The following NTSR2 variants were observed in gnomAD, a reference collection of about 807,000 sequenced individuals.
NTSR2 encodes neurotensin receptor 2.
In NTSR2, 22 loss-of-function variants were observed where a neutral mutation model predicts 24.1. The observed-to-expected ratio is 0.91, with a 90% CI of 0.65 to 1.30. The LOEUF (loss-of-function observed/expected upper bound fraction) is 1.30. Among genes scored for constraint, NTSR2 ranks in the 50% most tolerant of loss-of-function variants. The pLI, the probability that NTSR2 is intolerant of heterozygous loss-of-function variation, is 0.00. For synonymous variants in NTSR2, 291 were observed against 267.0 expected (o/e 1.09, Z -0.88); for missense variants, 570 against 570.4 (o/e 1.00, Z 0.01).
Position 11,670,096 on chromosome 2 carries a change from T to TGGGCCGCGG in NTSR2, c.25_33dup (p.Pro9_Pro11dup), listed in dbSNP as rs748755968. 6.2e-5 allele frequency: 87 copies of TGGGCCGCGG among 1,408,896 alleles called. No individual in the cohort carries two copies. The highest frequency in any genetic ancestry group is 2.4e-4 in the Middle Eastern group (1 of 4,092). The allele number at this position is 1,408,896 out of a possible 1,614,324, so 87.3% of individuals were successfully genotyped here. On this transcript the variant is annotated inframe_insertion, in exon 1 of 4. Coordinates refer to ENST00000306928, the MANE Select transcript of NTSR2 (RefSeq NM_012344.4). ...TCCAGGCTCAGCCCCGGGTTGGAGC[T>TGGGCCGCGG]GGGCCGCGGGGGCCGCGGGCTGCTG...
At chr2:11,664,156 G>T (rs1042265854) in intron 1 of NTSR2, among the ~76,000 whole-genome samples, 9 of 140,162 alleles carry the variant, frequency 6.4e-5, no homozygotes, top group Admixed American at 3.1e-4. Flanking sequence ...AGACGAGGTC[G>T]CCCAGACTAG....
chr2:11,663,487 G>T (rs950195165), intron 1 of NTSR2, among the ~76,000 whole-genome samples: 3 of 152,086 alleles, frequency 2.0e-5, no homozygotes, highest in Non-Finnish European at 4.4e-5. Flanking sequence ...TGATAGAGGA[G>T]CTGAAAATGA....
intron 1 of NTSR2, among the ~76,000 whole-genome samples, chr2:11,669,122 G>T (rs573575582): frequency 6.6e-6 from 1 of 152,078 alleles, no homozygotes; most frequent in African/African-American, 2.4e-5. Context: ...CCTCCAGGGA[G>T]GCCCTCTCCA....
intron 1 of NTSR2, 73 bp downstream of exon 1, chr2:11,669,433 G>T: frequency 3.2e-6 from 3 of 943,172 alleles, no homozygotes; most frequent in Non-Finnish European, 4.3e-6. Context: ...GTTCCCCGGG[G>T]AGAGGGGGTT....
chr2:11,667,069 C>T (rs548181493), intron 1 of NTSR2, among the ~76,000 whole-genome samples: 2 of 152,342 alleles, frequency 1.3e-5, no homozygotes, highest in East Asian at 3.9e-4. Flanking sequence ...TGTGGACAGA[C>T]CTGGGCATGT....
intron 1 of NTSR2, among the ~76,000 whole-genome samples, chr2:11,667,218 G>T (rs1396196940): frequency 1.3e-5 from 2 of 152,128 alleles, no homozygotes; most frequent in African/African-American, 4.8e-5. Flanking sequence ...TTTTTATTTT[G>T]GCTGAAGTTG....
Position 11,658,559 on chromosome 2 carries a change from G to A in NTSR2, c.1153C>T (p.Arg385Trp), listed in dbSNP as rs767804665. The change falls in exon 4 of 4, where the codon CGG becomes TGG. Residue 385 changes from arginine (R) to tryptophan (W), a missense_variant. Physicochemically the swap from Arg to Trp is moderately radical, Grantham distance 101. Transcript: ENST00000306928. ...GGACTCTGGGGCTTCGGGGGTAACC[G>A]CTTCATGGGGTGGTGCTCTCCACAC... is the stretch of plus-strand genomic sequence containing the variant. ...SLCGEHHPMK[R>W]LPPKPQSPTL... The A allele has an allele frequency of 8.7e-6, 14 of 1,614,076 alleles. No individual in the cohort carries two copies. Among genetic ancestry groups the A allele is most frequent in the South Asian group, 2.2e-5 (2 of 91,088 alleles).
chr2:11,664,968 C>T (rs774396368), intron 1 of NTSR2, among the ~76,000 whole-genome samples: 1 of 151,802 alleles, frequency 6.6e-6, no homozygotes, highest in Non-Finnish European at 1.5e-5. Context: ...CATTTCACAG[C>T]TTCATTGCCC....
Position 11,658,464 on chromosome 2 carries a change from A to T in NTSR2, c.*15T>A. ...GCTGGTCATTTTGCTTGTTCTGTTC[A>T]TTCTTGCATTACATTCAGGTCCGGG... On this transcript the variant is annotated 3_prime_UTR_variant, in exon 4 of 4. Coordinates refer to ENST00000306928, the MANE Select transcript of NTSR2 (RefSeq NM_012344.4). 1 of 1,580,610 alleles carries T rather than the reference A, an allele frequency of 6.3e-7. No homozygotes were observed. Among genetic ancestry groups the T allele is most frequent in the Non-Finnish European group, 8.6e-7 (1 of 1,162,948 alleles).
chr2:11,670,044 A>G lies in NTSR2; in HGVS notation c.86T>C (p.Leu29Pro). Reference sequence around the variant, plus strand: ...CGCGGTGAACAGCACCTTGGCCCAGAGGCGAGTGTCCACGCCCAGCCGGGC... The same window carrying G: ...CGCGGTGAACAGCACCTTGGCCCAGGGGCGAGTGTCCACGCCCAGCCGGGC... Reference protein sequence around the residue: ...LDARLGVDTRLWAKVLFTALY... With the variant: ...LDARLGVDTRPWAKVLFTALY... Residue 29 changes from leucine (L) to proline (P), a missense_variant, in exon 1 of 4, where the codon CTC (leucine) becomes CCC (proline). Physicochemically the swap from Leu to Pro is moderately conservative, Grantham distance 98. Coordinates refer to ENST00000306928, the MANE Select transcript of NTSR2 (RefSeq NM_012344.4). 1 of 1,497,758 alleles carries G rather than the reference A, an allele frequency of 6.7e-7. No individual in the cohort carries two copies. Among genetic ancestry groups the G allele is most frequent in the Non-Finnish European group, 8.8e-7 (1 of 1,130,770 alleles). 92.8% of individuals were successfully genotyped at this position (1,497,758 alleles called of 1,614,324 possible).
rs1205247586 is a variant in NTSR2 at position 11,658,487 on chromosome 2, G to A, written c.1225C>T (p.Arg409Trp). 10 of 1,600,976 alleles carry A rather than the reference G, an allele frequency of 6.2e-6. No homozygotes were observed. In the East Asian group the frequency reaches 9.0e-5, roughly 14 times the overall value. Residue 409 changes from arginine (R) to tryptophan (W), a missense_variant, in exon 4 of 4, where the codon CGG becomes TGG. Arg to Trp is a moderately radical substitution (Grantham distance 101, BLOSUM62 -3). Transcript: ENST00000306928. ...ASGFGDPPET[R>W]T is the part of the protein sequence containing the mutation. ...TCATTCTTGCATTACATTCAGGTCC[G>A]GGTTTCTGGGGGATCCCCAAAGCCT... is the stretch of plus-strand genomic sequence containing the variant.
intron 2 of NTSR2, 151 bp downstream of exon 2, chr2:11,661,816 G>A (rs1661077369): frequency 1.6e-6 from 1 of 618,316 alleles, no homozygotes; most frequent in East Asian, 3.0e-5. Context: ...CCTACAGGAA[G>A]TCTGTTGGTT....
chr2:11,665,420 T>G (rs1484039153), intron 1 of NTSR2: 1 of 152,240 alleles, frequency 6.6e-6, no homozygotes, highest in Non-Finnish European at 1.5e-5. Context: ...ATAGCCCATG[T>G]ATCAGCAGCT....
At chr2:11,662,597 TG>T (rs1433018152) in intron 1 of NTSR2, among the ~76,000 whole-genome samples, 1 of 152,006 alleles carries the variant, frequency 6.6e-6, no homozygotes, top group East Asian at 1.9e-4. Context: ...CTGGCTAACA[TG>T]GTGAAACCCT....
At chr2:11,664,945 G>A (rs1361645787) in intron 1 of NTSR2, among the ~76,000 whole-genome samples, 1 of 151,814 alleles carries the variant, frequency 6.6e-6, no homozygotes, top group Non-Finnish European at 1.5e-5. Flanking sequence ...GATGCTGTTA[G>A]ACTGACAGAA....
chr2:11,669,462 CCCCCCACCCCCCCT>C, intron 1 of NTSR2, 30 bp downstream of exon 1: 2 of 155,782 alleles, frequency 1.3e-5, no homozygotes, highest in Non-Finnish European at 2.7e-5. Flanking sequence ...CCAGCACCGC[CCCCCCACCCCCCCT>C]CCCCCGACTC....
At chr2:11,659,729 G>A (rs1661029095) in intron 3 of NTSR2, among the ~76,000 whole-genome samples, 1 of 152,230 alleles carries the variant, frequency 6.6e-6, no homozygotes, top group African/African-American at 2.4e-5. Flanking sequence ...AGGAAGGAGA[G>A]AGAGAGGAAG....
chr2:11,669,460 G>GGGGGGGGGGGGGGGGGGGGGC, intron 1 of NTSR2, 46 bp downstream of exon 1: 2 of 254,726 alleles, frequency 7.9e-6, no homozygotes, highest in Non-Finnish European at 6.9e-6. Flanking sequence ...TCCCAGCACC[G>GGGGGGGGGGGGGGGGGGGGGC]CCCCCCCACC....
At position 11,658,621 on chromosome 2, in the gene NTSR2, G is replaced by C; in HGVS notation, c.1091C>G (p.Ser364Cys). 1 of 1,614,200 alleles carries C rather than the reference G, an allele frequency of 6.2e-7. No individual in the cohort carries two copies. Among genetic ancestry groups the C allele is most frequent in the Non-Finnish European group, 8.5e-7 (1 of 1,180,030 alleles). ...TPLLYNAVSS[S>C]FRKLFLEAVS... is the part of the protein sequence containing the mutation. ...GGCTTCCAGGAAGAGTTTTCTGAAG[G>C]AGGAGGACACGGCGTTGTAGAGAAG... The change falls in exon 4 of 4, where the codon TCC becomes TGC. Residue 364 changes from serine (S) to cysteine (C), a missense_variant. Ser to Cys is a moderately radical substitution (Grantham distance 112). Transcript: ENST00000306928.
Sources: gnomAD v4.1 joint callset for allele counts (sites outside exome capture counted in the v4.1 genomes callset) on GRCh38, gnomAD v4.1.1 for gene constraint, MANE v1.5 for transcripts, NCBI Gene and HGNC (gene_info 2026-07-23, HGNC 2026-07-21) for gene names.